Variants in FRMD5 observed in about 807,000 individuals in gnomAD.
FRMD5 encodes FERM domain containing 5, also known as FERM domain-containing protein 5.
FRMD5 carries 20 observed loss-of-function variants against 69.0 expected under a neutral mutation model. The observed-to-expected ratio is 0.29, with a 90% CI of 0.20 to 0.42. The LOEUF is 0.42. Ranked by LOEUF, FRMD5 falls within the 10% of genes least tolerant of loss-of-function variation. The pLI is 1.00. For missense variants in FRMD5, 595 were observed against 708.6 expected, an observed-to-expected ratio of 0.84 and a Z score of 1.82; for synonymous variants, 271 against 260.1, an observed-to-expected ratio of 1.04 and a Z score of -0.40.
chr15:43,900,247 C>G (rs1265431058), intron 7 of FRMD5, among the ~76,000 whole-genome samples: 1 of 152,178 alleles, frequency 6.6e-6, no homozygotes, highest in Non-Finnish European at 1.5e-5. Flanking sequence ...TTATCCAAAG[C>G]TCTCTTCACT....
chr15:43,876,007 C>G, intron 13 of FRMD5: 2 of 1,308,962 alleles, frequency 1.5e-6, no homozygotes, highest in South Asian at 2.4e-5. Context: ...CCCAAGACGC[C>G]CCCTTGCCTG....
intron 1 of FRMD5, among the ~76,000 whole-genome samples, chr15:43,976,997 A>G (rs2090474006): frequency 6.6e-6 from 1 of 151,362 alleles, no homozygotes; most frequent in Non-Finnish European, 1.5e-5. Flanking sequence ...CACCCAGCTA[A>G]TTTTTTTTGC....
At chr15:44,145,104 G>A (rs1249198801) in intron 1 of FRMD5, among the ~76,000 whole-genome samples, 1 of 152,162 alleles carries the variant, frequency 6.6e-6, no homozygotes, top group Non-Finnish European at 1.5e-5. Context: ...AACTACAGCA[G>A]CCTATTTCTC....
chr15:44,158,292 G>T (rs534436411), intron 1 of FRMD5, among the ~76,000 whole-genome samples: 3 of 152,018 alleles, frequency 2.0e-5, no homozygotes, highest in Non-Finnish European at 4.4e-5. Flanking sequence ...CTGTTCTAAA[G>T]AAAGGAGAAA....
intron 1 of FRMD5, among the ~76,000 whole-genome samples, chr15:44,163,131 G>A (rs111391626): frequency 1.3e-5 from 2 of 152,098 alleles, no homozygotes; most frequent in African/African-American, 4.8e-5. Flanking sequence ...CCGAGATTGC[G>A]CCACTGCACT....
chr15:44,050,625 C>T (rs1231792802), intron 1 of FRMD5, among the ~76,000 whole-genome samples: 2 of 146,244 alleles, frequency 1.4e-5, no homozygotes, highest in Non-Finnish European at 3.0e-5. Flanking sequence ...ATGCTTCAGC[C>T]TCCCAAATTA....
intron 1 of FRMD5, among the ~76,000 whole-genome samples, chr15:43,952,583 C>T (rs2090053662): frequency 6.6e-6 from 1 of 152,196 alleles, no homozygotes; most frequent in South Asian, 2.1e-4. Flanking sequence ...ACCAAGGCTT[C>T]AGCACTGCAG....
intron 1 of FRMD5, among the ~76,000 whole-genome samples, chr15:43,928,544 G>GTT (rs1210579905): frequency 6.6e-6 from 1 of 152,146 alleles, no homozygotes; most frequent in African/African-American, 2.4e-5. Flanking sequence ...CCAACGGCAG[G>GTT]GGCAAGATTT....
intron 1 of FRMD5, among the ~76,000 whole-genome samples, chr15:44,122,039 C>T (rs2076960161): frequency 1.4e-5 from 2 of 139,100 alleles, no homozygotes; most frequent in African/African-American, 5.4e-5. Context: ...TTCACTGTAA[C>T]ACATGAAATA....
intron 1 of FRMD5, among the ~76,000 whole-genome samples, chr15:44,138,066 C>T (rs1168400508): frequency 6.6e-6 from 1 of 152,110 alleles, no homozygotes; most frequent in African/African-American, 2.4e-5. Flanking sequence ...GAGGCAACCA[C>T]AAAACTGATA....
At chr15:44,177,042 AAAAGGGTTTGACAGTTCC>A (rs2077910545) in intron 1 of FRMD5, among the ~76,000 whole-genome samples, 1 of 151,804 alleles carries the variant, frequency 6.6e-6, no homozygotes, top group South Asian at 2.1e-4. Context: ...GCCACTGTGG[AAAAGGGTTTGACAGTTCC>A]AAAGGGTTTG....
chr15:43,973,231 C>A (rs1440806660), intron 1 of FRMD5, among the ~76,000 whole-genome samples: 7 of 151,898 alleles, frequency 4.6e-5, no homozygotes, highest in Non-Finnish European at 1.0e-4. Context: ...ACCATGTTAG[C>A]CAGGATGGTC....
intron 1 of FRMD5, among the ~76,000 whole-genome samples, chr15:44,022,626 A>C (rs1891260419): frequency 6.6e-6 from 1 of 151,542 alleles, no homozygotes; most frequent in African/African-American, 2.4e-5. Context: ...GTAATCATGA[A>C]TATTCTTACA....
At chr15:43,955,480 C>G (rs1200820372) in intron 1 of FRMD5, among the ~76,000 whole-genome samples, 3 of 152,166 alleles carry the variant, frequency 2.0e-5, no homozygotes, top group African/African-American at 7.2e-5. Flanking sequence ...CCAGTTATCA[C>G]AAGGGATTTC....
intron 1 of FRMD5, among the ~76,000 whole-genome samples, chr15:44,091,361 C>A (rs560903655): frequency 1.3e-5 from 2 of 152,050 alleles, no homozygotes; most frequent in Non-Finnish European, 2.9e-5. Context: ...CACACACACA[C>A]GCACATGCAC....
At chr15:43,996,430 G>A (rs75013977) in intron 1 of FRMD5, among the ~76,000 whole-genome samples, 5,197 of 152,210 alleles carry the variant, frequency 0.034, 252 homozygotes, top group African/African-American at 0.11. Context: ...GAAGTGTGAC[G>A]AGGGTAACGT....
chr15:44,138,294 T>C (rs1243456704), intron 1 of FRMD5, among the ~76,000 whole-genome samples: 2 of 151,886 alleles, frequency 1.3e-5, no homozygotes, highest in East Asian at 1.9e-4. Context: ...AAAGGAAAAA[T>C]AGCCATAAAA....
At chr15:43,924,091 G>C (rs117283776) in intron 2 of FRMD5, 114 bp downstream of exon 2, 6 of 804,562 alleles carry the variant, frequency 7.5e-6, no homozygotes, top group Non-Finnish European at 1.3e-5. Flanking sequence ...TCCAACTGCA[G>C]GGTCTGGTTG....
At chr15:44,183,005 A>G (rs1014993646) in intron 1 of FRMD5, among the ~76,000 whole-genome samples, 16 of 150,814 alleles carry the variant, frequency 1.1e-4, no homozygotes, top group East Asian at 3.9e-4. Context: ...TCACCATGTT[A>G]GCCAGGATGG....
Sources: allele counts gnomAD v4.1 joint callset (sites outside exome capture counted in the v4.1 genomes callset), GRCh38; gene constraint gnomAD v4.1.1; transcripts MANE v1.5; gene names NCBI Gene and HGNC (gene_info 2026-07-23, HGNC 2026-07-21).